SLC16A5: variants seen among roughly 807,000 people sequenced by gnomAD.
SLC16A5 encodes the protein monocarboxylate transporter 6.
In SLC16A5, 29 loss-of-function variants were observed where a neutral mutation model predicts 33.2. The ratio of observed to expected loss-of-function variants is 0.87; its 90% confidence interval spans 0.65 to 1.19. The LOEUF is 1.19. Among genes scored for constraint, SLC16A5 ranks in the 50% most tolerant of loss-of-function variants. The probability of loss-of-function intolerance (pLI) is 0.00; values close to 1 mark genes in which losing one functional copy is unlikely to be tolerated. For synonymous variants in SLC16A5, 248 were observed against 284.1 expected, an observed-to-expected ratio of 0.87 and a Z score of 1.28; for missense variants, 606 against 678.2, an observed-to-expected ratio of 0.89 and a Z score of 1.18.
At chr17:75,090,226 GGTGTGAGCCACC>G (rs1376907442) in intron 2 of SLC16A5, 2 of 152,282 alleles carry the variant, frequency 1.3e-5, no homozygotes, top group Non-Finnish European at 2.9e-5. Flanking sequence ...TGGGATTACA[GGTGTGAGCCACC>G]GTGTCTGGCA....
intron 6 of SLC16A5, 119 bp from the exon 7 acceptor site, chr17:75,105,761 A>G (rs2073854928): frequency 7.0e-7 from 1 of 1,423,112 alleles, no homozygotes; most frequent in East Asian, 2.6e-5. Context: ...GTTTCCCCTC[A>G]CCCTTCCTTT....
chr17:75,101,915 G>A (rs931895035), intron 5 of SLC16A5, among the ~76,000 whole-genome samples: 1 of 152,146 alleles, frequency 6.6e-6, no homozygotes, highest in African/African-American at 2.4e-5. Flanking sequence ...GATTACAGGT[G>A]TGAGCCATTG....
downstream of SLC16A5, among the ~76,000 whole-genome samples, chr17:75,106,771 T>C (rs1056398780): frequency 3.9e-5 from 6 of 152,042 alleles, no homozygotes; most frequent in African/African-American, 7.2e-5. Flanking sequence ...AGCAGTCGCC[T>C]GTAATCCCAG....
downstream of SLC16A5, chr17:75,106,281 A>T: frequency 3.1e-6 from 1 of 321,764 alleles, no homozygotes; most frequent in Non-Finnish European, 5.7e-6. Context: ...GGCTGCCATC[A>T]ATACCACATG....
rs139464184 is a variant in SLC16A5, at chr17:75,093,723, C to T, written c.87C>T (p.Gly29=). The change falls in exon 3 of 7, where the codon GGC becomes GGT. Residue 29 remains glycine, a synonymous_variant. Transcript: ENST00000329783. ...TGGTGACCCAGGGCCTCACCCTGGG[C>T]TTCCCCACGTGTATCGGCATCTTCT... ...ATMVTQGLTL[G]FPTCIGIFFT... is the part of the protein sequence containing the mutation. 6.2e-7 allele frequency: 1 copy of T among 1,614,176 alleles called. No homozygotes were observed. Among genetic ancestry groups the T allele is most frequent in the Non-Finnish European group, 8.5e-7 (1 of 1,180,004 alleles).
intron 5 of SLC16A5, among the ~76,000 whole-genome samples, chr17:75,101,561 GAAAAA>G (rs531652324): frequency 4.4e-5 from 2 of 45,664 alleles, no homozygotes; most frequent in Non-Finnish European, 8.9e-5. Context: ...GACTCCATCT[GAAAAA>G]AAAAAAAAAA....
At chr17:75,097,751 G>T (rs1293160557) in intron 3 of SLC16A5, among the ~76,000 whole-genome samples, 1 of 152,204 alleles carries the variant, frequency 6.6e-6, no homozygotes, top group African/African-American at 2.4e-5. Context: ...CCTCAGGTCT[G>T]TGTAGTTCAG....
At chr17:75,095,631 G>A (rs1435174554) in intron 3 of SLC16A5, among the ~76,000 whole-genome samples, 2 of 151,498 alleles carry the variant, frequency 1.3e-5, no homozygotes. Context: ...CCGAGTAGCT[G>A]GGACCACAGG....
At chr17:75,107,108 G>A (rs1262428204), downstream of SLC16A5, among the ~76,000 whole-genome samples, 2 of 151,694 alleles carry the variant, frequency 1.3e-5, no homozygotes, top group African/African-American at 2.4e-5. Flanking sequence ...AGGCCACCCT[G>A]GGCCACATAA....
chr17:75,099,347 T>C (rs1359299199), intron 4 of SLC16A5, among the ~76,000 whole-genome samples: 1 of 152,074 alleles, frequency 6.6e-6, no homozygotes, highest in Non-Finnish European at 1.5e-5. Flanking sequence ...TTGTGGAGAC[T>C]GTGGATTTTT....
At chr17:75,093,471 G>A (rs1196633625) in intron 2 of SLC16A5, 118 bp from the exon 3 acceptor site, 1 of 1,536,208 alleles carries the variant, frequency 6.5e-7, no homozygotes, top group Non-Finnish European at 8.7e-7. Context: ...GCCCCTCTGT[G>A]ACACCTGGTA....
Position 75,103,957 on chromosome 17 carries a change from C to G in SLC16A5, c.1154-13C>G. ...CCTGGTAGCACTGGCCTAACTTGAT[C>G]TCTGTTCCCCAGGGTTGCTCCTGGA... is the stretch of plus-strand genomic sequence containing the variant. On this transcript the variant is annotated splice_polypyrimidine_tract_variant and intron_variant, in intron 5 of 6. Transcript: ENST00000329783. The G allele has an allele frequency of 6.2e-7, 1 of 1,612,552 alleles. No individual in the cohort carries two copies. Among genetic ancestry groups the G allele is most frequent in the Non-Finnish European group, 8.5e-7 (1 of 1,178,684 alleles).
At chr17:75,088,399 C>A (rs901978642) in intron 1 of SLC16A5, among the ~76,000 whole-genome samples, 1 of 152,160 alleles carries the variant, frequency 6.6e-6, no homozygotes, top group African/African-American at 2.4e-5. Flanking sequence ...GGCGAGAGTA[C>A]GGCATGAGGT....
At chr17:75,105,484 C>G in intron 6 of SLC16A5, 1 of 985,400 alleles carries the variant, frequency 1.0e-6, no homozygotes, top group Non-Finnish European at 1.2e-6. Flanking sequence ...GGTGTCAACC[C>G]TGGGGTAAGT....
intron 2 of SLC16A5, among the ~76,000 whole-genome samples, chr17:75,091,477 ACACACCCT>A (rs1309716817): frequency 6.6e-6 from 1 of 152,170 alleles, no homozygotes; most frequent in African/African-American, 2.4e-5. Context: ...CACATGGGTC[ACACACCCT>A]CACACCCTGA....
chr17:75,098,224 A>G (rs756776074), intron 4 of SLC16A5, 43 bp downstream of exon 4: 9 of 1,609,198 alleles, frequency 5.6e-6, no homozygotes, highest in Non-Finnish European at 7.6e-6. Context: ...CACCTGCTAG[A>G]AAGTGCCAGG....
intron 3 of SLC16A5, 77 bp downstream of exon 3, chr17:75,093,912 T>A: frequency 6.5e-7 from 1 of 1,537,908 alleles, no homozygotes; most frequent in Non-Finnish European, 8.8e-7. Flanking sequence ...GCCTTCTGAT[T>A]CCCTCTCTCT....
intron 5 of SLC16A5, among the ~76,000 whole-genome samples, chr17:75,102,922 C>T (rs1238026975): frequency 6.6e-6 from 1 of 150,826 alleles, no homozygotes; most frequent in Non-Finnish European, 1.5e-5. Flanking sequence ...GACAGAGTCT[C>T]GCTCTATTGC....
chr17:75,103,179 G>A (rs1367531866), intron 5 of SLC16A5, among the ~76,000 whole-genome samples: 2 of 151,816 alleles, frequency 1.3e-5, no homozygotes, highest in Non-Finnish European at 2.9e-5. Flanking sequence ...GTGAGCCACC[G>A]CTCCCTGCCT....
Sources: allele counts gnomAD v4.1 joint callset (sites outside exome capture counted in the v4.1 genomes callset), GRCh38; gene constraint gnomAD v4.1.1; transcripts MANE v1.5; gene names NCBI Gene and HGNC (gene_info 2026-07-23, HGNC 2026-07-21).